TENM3: variants seen among roughly 807,000 people sequenced by gnomAD.
TENM3 encodes teneurin-3.
TENM3 carries 63 observed loss-of-function variants against 255.1 expected under a neutral mutation model. The observed-to-expected ratio is 0.25, with a 90% CI of 0.20 to 0.30. The LOEUF (loss-of-function observed/expected upper bound fraction) is 0.30, where lower values mean the gene tolerates loss of function less well. Among genes scored for constraint, TENM3 ranks in the 10% least tolerant of loss-of-function variants. TENM3 has a pLI of 1.00. For synonymous variants in TENM3, 1,306 were observed against 1,322.3 expected (o/e 0.99, Z 0.27); for missense variants, 2,929 against 3,461.1 (o/e 0.85, Z 3.86).
chr4:181,815,401 T>G, the TENM3 span, among the ~76,000 whole-genome samples: 1 of 139,920 alleles, frequency 7.1e-6, no homozygotes, highest in African/African-American at 2.7e-5. Context: ...AGGCAGAGGT[T>G]GCAGTAAGCC....
At chr4:181,614,965 GC>G in the TENM3 span, among the ~76,000 whole-genome samples, 2 of 152,164 alleles carry the variant, frequency 1.3e-5, no homozygotes, top group Admixed American at 6.6e-5. Flanking sequence ...CAGACTCCTG[GC>G]CTGAGTTCTC....
At chr4:181,795,940 G>A in the TENM3 span, among the ~76,000 whole-genome samples, 1 of 152,190 alleles carries the variant, frequency 6.6e-6, no homozygotes, top group Non-Finnish European at 1.5e-5. Context: ...GAAGCAGAGA[G>A]ACTCAGTAGG....
the TENM3 span, among the ~76,000 whole-genome samples, chr4:181,653,683 A>C: frequency 7.4e-5 from 11 of 147,714 alleles, no homozygotes; most frequent in South Asian, 2.3e-3. Context: ...ACAGGCGTGC[A>C]TGAGCCATAA....
the TENM3 span, among the ~76,000 whole-genome samples, chr4:181,923,340 G>T: frequency 6.6e-6 from 1 of 152,082 alleles, no homozygotes; most frequent in African/African-American, 2.4e-5. Flanking sequence ...ATGAAAAAAG[G>T]TTGGAAAAGA....
chr4:181,591,595 C>T, the TENM3 span, among the ~76,000 whole-genome samples: 2 of 152,182 alleles, frequency 1.3e-5, no homozygotes, highest in African/African-American at 4.8e-5. Flanking sequence ...AGGAATTGGG[C>T]CACACAACAG....
the TENM3 span, among the ~76,000 whole-genome samples, chr4:181,962,476 T>A: frequency 6.6e-6 from 1 of 152,206 alleles, no homozygotes. Flanking sequence ...CAACTTGAAG[T>A]GGATACCATG....
At chr4:181,512,685 G>C in the TENM3 span, among the ~76,000 whole-genome samples, 39 of 152,286 alleles carry the variant, frequency 2.6e-4, no homozygotes, top group East Asian at 6.7e-3. Context: ...GCCACAGTCT[G>C]TGAACCAGCT....
At chr4:181,843,011 C>T in the TENM3 span, among the ~76,000 whole-genome samples, 14 of 152,112 alleles carry the variant, frequency 9.2e-5, no homozygotes, top group African/African-American at 3.4e-4. Flanking sequence ...TGACTAAAAC[C>T]TTCTCTTCAC....
the TENM3 span, among the ~76,000 whole-genome samples, chr4:181,640,825 C>T: frequency 6.6e-6 from 1 of 152,198 alleles, no homozygotes; most frequent in Non-Finnish European, 1.5e-5. Flanking sequence ...AAAGCCTGAA[C>T]TTTGGTTGGG....
chr4:181,929,704 C>A, the TENM3 span, among the ~76,000 whole-genome samples: 4 of 152,206 alleles, frequency 2.6e-5, no homozygotes, highest in Non-Finnish European at 4.4e-5. Context: ...ACAGAACTCT[C>A]CACCTCAAAT....
chr4:181,867,072 T>C, the TENM3 span, among the ~76,000 whole-genome samples: 1 of 152,188 alleles, frequency 6.6e-6, no homozygotes, highest in Non-Finnish European at 1.5e-5. Context: ...TATAATCCTC[T>C]GCTTCTCATC....
intron 3 of TENM3, among the ~76,000 whole-genome samples, chr4:182,496,757 A>G (rs1013331342): frequency 2.0e-5 from 3 of 152,204 alleles, no homozygotes; most frequent in Non-Finnish European, 4.4e-5. Flanking sequence ...ACGATTTATC[A>G]TAAAAACCTG....
the TENM3 span, among the ~76,000 whole-genome samples, chr4:181,688,672 T>A: frequency 6.6e-6 from 1 of 152,110 alleles, no homozygotes; most frequent in African/African-American, 2.4e-5. Context: ...AAATGGACAA[T>A]GGGAAACAAT....
upstream of TENM3, chr4:182,142,438 CAAACTTTGGAT>C (rs1749513280): frequency 6.0e-6 from 1 of 167,082 alleles, no homozygotes; most frequent in South Asian, 2.1e-4. Context: ...ACTTCTAGCC[CAAACTTTGGAT>C]AAACTAACAT....
At chr4:182,174,972 G>C (rs1284242780) in intron 1 of TENM3, among the ~76,000 whole-genome samples, 2 of 151,474 alleles carry the variant, frequency 1.3e-5, no homozygotes, top group African/African-American at 2.4e-5. Context: ...ATTATCTCTA[G>C]GAAAAAAAAT....
At chr4:182,209,486 T>C (rs1372402598) in intron 1 of TENM3, among the ~76,000 whole-genome samples, 1 of 152,076 alleles carries the variant, frequency 6.6e-6, no homozygotes, top group Non-Finnish European at 1.5e-5. Context: ...ACCCAGTCTT[T>C]GCTGTCCTAA....
chr4:182,320,303 T>G (rs938371634), intron 1 of TENM3, among the ~76,000 whole-genome samples: 1 of 152,210 alleles, frequency 6.6e-6, no homozygotes, highest in Admixed American at 6.5e-5. Flanking sequence ...GAAGTTATTC[T>G]GTCAGTTCTG....
chr4:181,663,106 C>G, the TENM3 span, among the ~76,000 whole-genome samples: 1 of 152,144 alleles, frequency 6.6e-6, no homozygotes, highest in Non-Finnish European at 1.5e-5. Flanking sequence ...ATTTAAAAAT[C>G]TATTTTTTTC....
At chr4:181,470,645 G>A in the TENM3 span, among the ~76,000 whole-genome samples, 2 of 152,100 alleles carry the variant, frequency 1.3e-5, no homozygotes, top group African/African-American at 4.8e-5. Context: ...TAAAAATCTT[G>A]GATTTAAACG....
Sources: gnomAD v4.1 joint callset for allele counts (sites outside exome capture counted in the v4.1 genomes callset) on GRCh38, gnomAD v4.1.1 for gene constraint, MANE v1.5 for transcripts, NCBI Gene and HGNC (gene_info 2026-07-23, HGNC 2026-07-21) for gene names.